The following SHISA9 variants were observed in gnomAD, a reference collection of about 807,000 sequenced individuals.
SHISA9 encodes protein shisa-9.
In SHISA9, 13 loss-of-function variants were observed where a neutral mutation model predicts 38.0. That is an observed-to-expected ratio of 0.34 (90% confidence interval 0.22 to 0.54). The LOEUF is 0.54. Ranked by LOEUF, SHISA9 falls within the 20% of genes least tolerant of loss-of-function variation. The pLI is 0.91. For missense variants in SHISA9, 538 were observed against 575.8 expected, an observed-to-expected ratio of 0.93 and a Z score of 0.67; for synonymous variants, 275 against 242.0, an observed-to-expected ratio of 1.14 and a Z score of -1.27.
chr16:13,145,834 A>T (rs1235208103), intron 2 of SHISA9, among the ~76,000 whole-genome samples: 1 of 152,212 alleles, frequency 6.6e-6, no homozygotes, highest in Non-Finnish European at 1.5e-5. Flanking sequence ...TACATCAGTA[A>T]ACAAAACACA....
downstream of SHISA9, among the ~76,000 whole-genome samples, chr16:13,242,857 A>G (rs1251615249): frequency 2.0e-5 from 3 of 152,168 alleles, no homozygotes; most frequent in Non-Finnish European, 4.4e-5. Flanking sequence ...TATATTAATA[A>G]CATTATAGTA....
intron 2 of SHISA9, among the ~76,000 whole-genome samples, chr16:13,122,639 GA>G (rs759433252): frequency 1.4e-3 from 210 of 152,330 alleles, no homozygotes; most frequent in Non-Finnish European, 2.3e-3. Context: ...AAAAAAGGGG[GA>G]GAAGGACATT....
chr16:13,389,177 A>G, the SHISA9 span, among the ~76,000 whole-genome samples: 6,386 of 152,294 alleles, frequency 0.042, 280 homozygotes, highest in African/African-American at 0.11. Context: ...ATAGTATCAT[A>G]CAGAGTAGCT....
chr16:13,367,712 G>GCGCACGCA, the SHISA9 span, among the ~76,000 whole-genome samples: 7 of 104,690 alleles, frequency 6.7e-5, no homozygotes, highest in South Asian at 2.8e-3. Flanking sequence ...GCGCGCGCGC[G>GCGCACGCA]CACACACACA....
At chr16:13,372,170 A>G in the SHISA9 span, among the ~76,000 whole-genome samples, 2 of 152,206 alleles carry the variant, frequency 1.3e-5, no homozygotes, top group South Asian at 4.1e-4. Flanking sequence ...TGTGGACTCT[A>G]GGGATTTTGC....
At chr16:13,081,115 C>G (rs909063552) in intron 2 of SHISA9, among the ~76,000 whole-genome samples, 2 of 152,160 alleles carry the variant, frequency 1.3e-5, no homozygotes, top group Admixed American at 1.3e-4. Context: ...AAATCATAGC[C>G]CTAAATGATG....
At chr16:13,501,050 G>T in the SHISA9 span, among the ~76,000 whole-genome samples, 2 of 152,158 alleles carry the variant, frequency 1.3e-5, no homozygotes, top group South Asian at 4.1e-4. Flanking sequence ...TGACAGTAGA[G>T]AGTGCTCAAC....
At chr16:13,500,942 A>G in the SHISA9 span, among the ~76,000 whole-genome samples, 1 of 152,108 alleles carries the variant, frequency 6.6e-6, no homozygotes, top group South Asian at 2.1e-4. Flanking sequence ...TTTCAATCCA[A>G]TGTTTTACCC....
intron 2 of SHISA9, among the ~76,000 whole-genome samples, chr16:13,198,194 A>C (rs980189460): frequency 1.3e-5 from 2 of 151,738 alleles, no homozygotes; most frequent in African/African-American, 4.9e-5. Context: ...CAAAAAAAAA[A>C]TTAATATATG....
At chr16:13,226,939 T>C (rs1468655065) in intron 4 of SHISA9, among the ~76,000 whole-genome samples, 2 of 152,206 alleles carry the variant, frequency 1.3e-5, no homozygotes, top group African/African-American at 2.4e-5. Flanking sequence ...ATTCAAGGCA[T>C]GGGGAAATAG....
At chr16:12,989,856 A>G (rs1331252487) in intron 2 of SHISA9, among the ~76,000 whole-genome samples, 1 of 151,960 alleles carries the variant, frequency 6.6e-6, no homozygotes, top group Non-Finnish European at 1.5e-5. Context: ...TGCCATGGTG[A>G]TTTGCTGCAC....
chr16:13,122,661 G>A (rs1596663192), intron 2 of SHISA9, among the ~76,000 whole-genome samples: 1 of 152,330 alleles, frequency 6.6e-6, no homozygotes, highest in Non-Finnish European at 1.5e-5. Context: ...GACATTAGCA[G>A]ACTGTCTGTT....
intron 2 of SHISA9, among the ~76,000 whole-genome samples, chr16:13,198,170 G>C: frequency 6.6e-6 from 1 of 152,102 alleles, no homozygotes; most frequent in East Asian, 1.9e-4. Context: ...GGGCGACAGA[G>C]TGAGACTCCA....
chr16:12,919,464 C>G (rs546517287), intron 2 of SHISA9, among the ~76,000 whole-genome samples: 187 of 152,344 alleles, frequency 1.2e-3, no homozygotes, highest in Non-Finnish European at 2.4e-3. Context: ...CATGTCTATT[C>G]AATCACCCAC....
At chr16:13,386,877 T>C in the SHISA9 span, among the ~76,000 whole-genome samples, 2 of 152,242 alleles carry the variant, frequency 1.3e-5, no homozygotes, top group Admixed American at 1.3e-4. Flanking sequence ...TCCCTACTGA[T>C]GGATATCTAG....
chr16:13,073,495 G>A (rs2073543197), intron 2 of SHISA9, among the ~76,000 whole-genome samples: 1 of 152,062 alleles, frequency 6.6e-6, no homozygotes, highest in Non-Finnish European at 1.5e-5. Flanking sequence ...GCATCACCTG[G>A]GAATTTGTTA....
the SHISA9 span, among the ~76,000 whole-genome samples, chr16:13,459,364 A>G: frequency 2.6e-5 from 4 of 152,096 alleles, no homozygotes; most frequent in Non-Finnish European, 5.9e-5. Flanking sequence ...AGATCTCTCA[A>G]TACCACCTTC....
At chr16:12,958,476 C>T (rs2071865462) in intron 2 of SHISA9, among the ~76,000 whole-genome samples, 1 of 152,052 alleles carries the variant, frequency 6.6e-6, no homozygotes, top group South Asian at 2.1e-4. Flanking sequence ...GGAAATTTGC[C>T]CAGAGTGTGG....
At chr16:12,902,849 C>CGTGT (rs3974950) in intron 1 of SHISA9, 189,573 of 489,842 alleles carry the variant, frequency 0.39, 23,070 homozygotes, top group Admixed American at 0.43. Context: ...TGTGTGTGAG[C>CGTGT]GTGTGTGTGT....
Sources: gnomAD v4.1 joint callset for allele counts (sites outside exome capture counted in the v4.1 genomes callset) on GRCh38, gnomAD v4.1.1 for gene constraint, MANE v1.5 for transcripts, NCBI Gene and HGNC (gene_info 2026-07-23, HGNC 2026-07-21) for gene names.